The following RAPGEF5 variants were observed in gnomAD, a reference collection of about 807,000 sequenced individuals.
RAPGEF5 encodes the protein Rap guanine nucleotide exchange factor 5, also known as M-Ras-regulated GEF.
In RAPGEF5, 65 loss-of-function variants were observed where a neutral mutation model predicts 125.2. That is an observed-to-expected ratio of 0.52 (90% confidence interval 0.43 to 0.64). The LOEUF is 0.64. Ranked by LOEUF, RAPGEF5 falls within the 30% of genes least tolerant of loss-of-function variation. The pLI, the probability that RAPGEF5 is intolerant of heterozygous loss-of-function variation, is 0.00. For missense variants in RAPGEF5, 958 were observed against 1,048.1 expected (o/e 0.91, Z 1.19); for synonymous variants, 391 against 385.9 (o/e 1.01, Z -0.16).
Position 22,308,510 on chromosome 7 carries a change from G to A in RAPGEF5, c.512-3C>T, listed in dbSNP as rs1479304114. On this transcript the variant is annotated splice_polypyrimidine_tract_variant and splice_region_variant and intron_variant, in intron 4 of 25. Coordinates refer to ENST00000665637, the MANE Select transcript of RAPGEF5 (RefSeq NM_012294.5). ...TTGAAAGTATAGATGCTGGTCCACTGTTTGAAACAAAAAATATATAGATCA... is the reference window on the plus strand; with the variant it reads ...TTGAAAGTATAGATGCTGGTCCACTATTTGAAACAAAAAATATATAGATCA... The A allele has an allele frequency of 6.6e-7, 1 of 1,511,828 alleles. No individual in the cohort carries two copies. The highest frequency in any genetic ancestry group is 2.3e-5 in the Admixed American group (1 of 44,208). The allele number at this position is 1,511,828 out of a possible 1,614,324, so 93.7% of individuals were successfully genotyped here.
intron 15 of RAPGEF5, 86 bp downstream of exon 15, chr7:22,157,769 A>G (rs1783855874): frequency 7.0e-7 from 1 of 1,429,294 alleles, no homozygotes; most frequent in African/African-American, 1.4e-5. Flanking sequence ...GGCAGTATTC[A>G]TTTTAATTAT....
rs1442243921 is a variant in RAPGEF5 at position 22,145,036 on chromosome 7, A to G, written c.2186+8T>C. The stretch of plus-strand genomic sequence containing the variant: ...AGAGGAATGGCACTTCTCACACTAG[A>G]AACTTACTGAGCCGCAATTTTGATG... On this transcript the variant is annotated splice_region_variant and intron_variant, in intron 20 of 25. Coordinates refer to ENST00000665637, the MANE Select transcript of RAPGEF5 (RefSeq NM_012294.5). The G allele has an allele frequency of 6.2e-7, 1 of 1,611,972 alleles. No homozygotes were observed. Among genetic ancestry groups the G allele is most frequent in the African/African-American group, 1.3e-5 (1 of 74,908 alleles).
At chr7:22,219,094 C>T (rs756548084) in intron 9 of RAPGEF5, among the ~76,000 whole-genome samples, 4 of 152,096 alleles carry the variant, frequency 2.6e-5, no homozygotes, top group South Asian at 2.1e-4. Flanking sequence ...CATGTATAAG[C>T]GCAGAGGAAT....
intron 5 of RAPGEF5, among the ~76,000 whole-genome samples, chr7:22,306,037 T>A (rs769817455): frequency 3.3e-5 from 5 of 152,210 alleles, no homozygotes; most frequent in Non-Finnish European, 5.9e-5. Context: ...ATCCTTTTGA[T>A]ATATAATCTT....
chr7:22,142,976 C>G (rs776730561), intron 20 of RAPGEF5, among the ~76,000 whole-genome samples: 2 of 152,214 alleles, frequency 1.3e-5, no homozygotes, highest in African/African-American at 4.8e-5. Context: ...ATAAAGCATT[C>G]AAGAGCATGG....
intron 7 of RAPGEF5, among the ~76,000 whole-genome samples, chr7:22,246,983 A>G (rs1786493369): frequency 6.6e-6 from 1 of 152,248 alleles, no homozygotes; most frequent in Non-Finnish European, 1.5e-5. Flanking sequence ...AGAAATGCTC[A>G]ACATCACTAA....
intron 7 of RAPGEF5, among the ~76,000 whole-genome samples, chr7:22,253,033 C>T (rs1233327503): frequency 6.6e-6 from 1 of 151,794 alleles, no homozygotes; most frequent in Non-Finnish European, 1.5e-5. Context: ...GGAGACAGGA[C>T]GTGAATATAC....
At chr7:22,319,927 G>A (rs752479907) in intron 1 of RAPGEF5, among the ~76,000 whole-genome samples, 9 of 151,350 alleles carry the variant, frequency 5.9e-5, no homozygotes, top group Non-Finnish European at 8.8e-5. Context: ...ATTGCCAACC[G>A]GAATCTGGCT....
At chr7:22,350,759 C>T (rs991497498) in intron 1 of RAPGEF5, among the ~76,000 whole-genome samples, 3 of 152,150 alleles carry the variant, frequency 2.0e-5, no homozygotes, top group Non-Finnish European at 4.4e-5. Flanking sequence ...AGAATTCACA[C>T]GAAATTAAAT....
chr7:22,150,125 G>T (rs1783577303), intron 18 of RAPGEF5, among the ~76,000 whole-genome samples: 1 of 141,400 alleles, frequency 7.1e-6, no homozygotes, highest in African/African-American at 2.6e-5. Flanking sequence ...TATCACCTGG[G>T]CTGGAGTGCA....
intron 6 of RAPGEF5, among the ~76,000 whole-genome samples, chr7:22,282,187 A>G (rs1439937931): frequency 6.6e-6 from 1 of 152,214 alleles, no homozygotes. Context: ...AGTACTTTGT[A>G]TTCACCACAG....
intron 1 of RAPGEF5, among the ~76,000 whole-genome samples, chr7:22,351,753 C>A (rs961629197): frequency 2.0e-5 from 3 of 152,084 alleles, no homozygotes; most frequent in African/African-American, 7.2e-5. Context: ...CCTAAAACGG[C>A]GATACATTGG....
At chr7:22,292,660 G>T (rs1782960678) in intron 5 of RAPGEF5, among the ~76,000 whole-genome samples, 1 of 152,164 alleles carries the variant, frequency 6.6e-6, no homozygotes, top group African/African-American at 2.4e-5. Flanking sequence ...CACCAAACCA[G>T]ATTTATGTGA....
chr7:22,330,135 C>G (rs778016187), intron 1 of RAPGEF5, among the ~76,000 whole-genome samples: 1 of 152,204 alleles, frequency 6.6e-6, no homozygotes, highest in Non-Finnish European at 1.5e-5. Context: ...TGACTCGACA[C>G]ATAAAGGATT....
rs1231580357 is a variant in RAPGEF5 at position 22,120,785 on chromosome 7, C to T, written c.*1621G>A. ...AACTAAGTCTCTCTCAAAGTTCTCC[C>T]AAACCTTCTCTCCACATGGTTCCTT... On this transcript the variant is annotated 3_prime_UTR_variant, in exon 26 of 26. Coordinates refer to ENST00000665637, the MANE Select transcript of RAPGEF5 (RefSeq NM_012294.5). This position sits in a 1 kb window ranked among gnomAD's most constrained non-coding sequence, Gnocchi z 4.0. The T allele has an allele frequency of 1.3e-5, 2 of 152,268 alleles. No individual in the cohort carries two copies. The highest frequency in any genetic ancestry group is 2.1e-4 in the South Asian group (1 of 4,822). 9.4% of individuals were successfully genotyped at this position (152,268 alleles called of 1,614,324 possible).
intron 1 of RAPGEF5, among the ~76,000 whole-genome samples, chr7:22,345,013 T>C (rs916259472): frequency 6.6e-6 from 1 of 152,136 alleles, no homozygotes; most frequent in African/African-American, 2.4e-5. Context: ...ACCCTAAAAC[T>C]TGATAAAAAG....
intron 7 of RAPGEF5, among the ~76,000 whole-genome samples, chr7:22,255,802 T>C (rs1291480892): frequency 1.3e-5 from 2 of 152,172 alleles, no homozygotes; most frequent in African/African-American, 4.8e-5. Context: ...TTCCTTTCAA[T>C]TTCCAGGAAC....
intron 12 of RAPGEF5, among the ~76,000 whole-genome samples, chr7:22,163,659 G>C (rs1388136180): frequency 6.6e-6 from 1 of 152,126 alleles, no homozygotes; most frequent in Non-Finnish European, 1.5e-5. Flanking sequence ...CAAAGGCAAA[G>C]TGTTTAAATG....
intron 7 of RAPGEF5, among the ~76,000 whole-genome samples, chr7:22,265,529 C>T (rs1782261509): frequency 6.6e-6 from 1 of 152,156 alleles, no homozygotes; most frequent in Admixed American, 6.5e-5. Flanking sequence ...GATTCCACAT[C>T]TTGCCTATTG....
Sources: gnomAD v4.1 joint callset for allele counts (sites outside exome capture counted in the v4.1 genomes callset) on GRCh38, gnomAD v4.1.1 for gene constraint, Gnocchi (gnomAD v3.1) non-coding constraint, MANE v1.5 for transcripts, NCBI Gene and HGNC (gene_info 2026-07-23, HGNC 2026-07-21) for gene names.